PDE3B: variants seen among roughly 807,000 people sequenced by gnomAD.
PDE3B encodes the protein cGMP-inhibited 3',5'-cyclic phosphodiesterase 3B.
A neutral mutation model predicts 116.8 loss-of-function variants in PDE3B; 66 were observed. That is an observed-to-expected ratio of 0.56 (90% CI 0.46 to 0.69). The LOEUF is 0.69. Among genes scored for constraint, PDE3B ranks in the 30% least tolerant of loss-of-function variants. The pLI is 0.00. For synonymous variants in PDE3B, 595 were observed against 533.6 expected, an observed-to-expected ratio of 1.12 and a Z score of -1.59; for missense variants, 1,384 against 1,368.1, an observed-to-expected ratio of 1.01 and a Z score of -0.18.
chr11:14,664,161 C>T (rs540636924), intron 1 of PDE3B, among the ~76,000 whole-genome samples: 25 of 152,144 alleles, frequency 1.6e-4, no homozygotes, highest in African/African-American at 3.9e-4. Flanking sequence ...TGCTCCTGAA[C>T]GACTACTGGG....
downstream of PDE3B, among the ~76,000 whole-genome samples, chr11:14,873,399 T>G (rs1426120041): frequency 2.6e-5 from 4 of 151,928 alleles, no homozygotes; most frequent in Non-Finnish European, 5.9e-5. Context: ...ACATAGGGAG[T>G]GCTTGGTGAT....
intron 2 of PDE3B, among the ~76,000 whole-genome samples, chr11:14,782,014 A>G (rs528322452): frequency 9.3e-4 from 141 of 152,338 alleles, no homozygotes; most frequent in African/African-American, 3.2e-3. Context: ...CTTATACACC[A>G]TTAACAGACA....
chr11:14,786,347 A>G (rs547653808), intron 2 of PDE3B, 90 bp from the exon 3 acceptor site: 3 of 867,256 alleles, frequency 3.5e-6, no homozygotes, highest in African/African-American at 1.7e-5. Context: ...ACATATATAT[A>G]TATATAAATT....
rs778016174 is a variant in PDE3B, at chr11:14,843,729, ATAAG to A, written c.2321-93_2321-90del. 6.2e-5 allele frequency: 52 copies of A among 836,918 alleles called. 1 individual carries two copies. The South Asian group carries it at 7.0e-4, about 11-fold the overall frequency. 51.8% of individuals were successfully genotyped at this position (836,918 alleles called of 1,614,324 possible). ...GTTCTTACTTAAATCAGCAAATAAA[ATAAG>A]TAAGCATATTACCTATGAGAATCCC... On this transcript the variant is annotated intron_variant, in intron 11 of 15. Transcript: ENST00000282096.
intron 7 of PDE3B, among the ~76,000 whole-genome samples, chr11:14,823,390 A>G (rs1859582217): frequency 6.6e-6 from 1 of 152,118 alleles, no homozygotes; most frequent in South Asian, 2.1e-4. Flanking sequence ...TGGAGTTCCC[A>G]GAGGGAGGGG....
intron 1 of PDE3B, among the ~76,000 whole-genome samples, chr11:14,663,456 C>G (rs1030683968): frequency 6.6e-6 from 1 of 152,086 alleles, no homozygotes; most frequent in Admixed American, 6.5e-5. Context: ...TCACACATAA[C>G]AATATTAACT....
At chr11:14,818,632 C>T (rs770700631) in intron 6 of PDE3B, among the ~76,000 whole-genome samples, 35 of 151,600 alleles carry the variant, frequency 2.3e-4, no homozygotes, top group Non-Finnish European at 3.5e-4. Flanking sequence ...TAAAGTATTA[C>T]CAGTTTTCTA....
At chr11:14,718,502 A>C (rs973299579) in intron 1 of PDE3B, among the ~76,000 whole-genome samples, 117 of 149,114 alleles carry the variant, frequency 7.8e-4, no homozygotes, top group South Asian at 3.7e-3. Context: ...CTATTCCAAA[A>C]TTGACCACAT....
chr11:14,843,530 T>C (rs1847519317), intron 11 of PDE3B, among the ~76,000 whole-genome samples: 2 of 152,148 alleles, frequency 1.3e-5, no homozygotes, highest in Non-Finnish European at 2.9e-5. Context: ...ACAGCAAATA[T>C]TTAGAAAATC....
At chr11:14,788,064 T>G (rs951056307) in intron 3 of PDE3B, among the ~76,000 whole-genome samples, 6 of 151,954 alleles carry the variant, frequency 3.9e-5, no homozygotes, top group South Asian at 2.1e-4. Flanking sequence ...GGAAGGTTAT[T>G]TTGGGTTCTG....
In PDE3B at chr11:14,749,899, C is replaced by CATATAT. The variant is rs66919202; in HGVS notation, c.979-22029_979-22024dup. On this transcript the variant is annotated intron_variant, in intron 1 of 15. Coordinates refer to ENST00000282096, the MANE Select transcript of PDE3B (RefSeq NM_000922.4). ...TTATAGATTTAAAATAAATATATCC[C>CATATAT]ATATATATATATATGTATCTTTGTG... Among the ~76,000 whole-genome samples the CATATAT allele has an allele frequency of 8.0e-4, 62 of 77,626 alleles. 8 individuals carry two copies. Among genetic ancestry groups the CATATAT allele is most frequent in the Admixed American group, 1.7e-3 (12 of 7,050 alleles). 50.9% of individuals were successfully genotyped at this position (77,626 alleles called of 152,430 possible).
chr11:14,846,615 C>T (rs1013063129), intron 12 of PDE3B, among the ~76,000 whole-genome samples: 15 of 152,080 alleles, frequency 9.9e-5, no homozygotes, highest in African/African-American at 3.6e-4. Flanking sequence ...CAGAGACACA[C>T]ATAGGCTCAA....
At chr11:14,846,675 G>A (rs1331228755) in intron 12 of PDE3B, among the ~76,000 whole-genome samples, 4 of 152,104 alleles carry the variant, frequency 2.6e-5, no homozygotes, top group Non-Finnish European at 5.9e-5. Flanking sequence ...ACAAAAAAAG[G>A]CAGGGGTTGC....
At chr11:14,725,710 G>T (rs1162923568) in intron 1 of PDE3B, among the ~76,000 whole-genome samples, 1 of 146,156 alleles carries the variant, frequency 6.8e-6, no homozygotes, top group Non-Finnish European at 1.5e-5. Flanking sequence ...TAACATTTGT[G>T]CTCAATATGA....
At chr11:14,665,183 T>C (rs200162249) in intron 1 of PDE3B, among the ~76,000 whole-genome samples, 1 of 152,208 alleles carries the variant, frequency 6.6e-6, no homozygotes, top group Non-Finnish European at 1.5e-5. Flanking sequence ...ATTATCTCAA[T>C]AGATGCAGAA....
At chr11:14,652,294 A>G (rs1853592996) in intron 1 of PDE3B, among the ~76,000 whole-genome samples, 1 of 152,140 alleles carries the variant, frequency 6.6e-6, no homozygotes, top group Non-Finnish European at 1.5e-5. Context: ...TTGACAGTAC[A>G]TGTGAGGATT....
chr11:14,733,085 T>G (rs965380115), intron 1 of PDE3B, among the ~76,000 whole-genome samples: 6 of 152,216 alleles, frequency 3.9e-5, no homozygotes, highest in Non-Finnish European at 7.3e-5. Context: ...GTATGCATAT[T>G]GCTTTACAAA....
intron 1 of PDE3B, among the ~76,000 whole-genome samples, chr11:14,722,640 C>T (rs181108592): frequency 6.6e-6 from 1 of 152,248 alleles, no homozygotes; most frequent in African/African-American, 2.4e-5. Context: ...TGCCAATAAC[C>T]ATGTGAGCGA....
At chr11:14,724,389 T>C (rs1170359287) in intron 1 of PDE3B, among the ~76,000 whole-genome samples, 1 of 152,154 alleles carries the variant, frequency 6.6e-6, no homozygotes, top group East Asian at 1.9e-4. Context: ...ACATCCAAGT[T>C]TGGAATGTTG....
Sources: gnomAD v4.1 joint callset for allele counts (sites outside exome capture counted in the v4.1 genomes callset) on GRCh38, gnomAD v4.1.1 for gene constraint, MANE v1.5 for transcripts, NCBI Gene and HGNC (gene_info 2026-07-23, HGNC 2026-07-21) for gene names.